The following MLLT3 variants were observed in gnomAD, a reference collection of about 807,000 sequenced individuals.
MLLT3 encodes the protein MLLT3 super elongation complex subunit.
Under a neutral mutation model 53.2 loss-of-function variants are expected in MLLT3, and 4 were observed. That is an observed-to-expected ratio of 0.08 (90% confidence interval 0.04 to 0.17). MLLT3 has a LOEUF of 0.17. Ranked by LOEUF, MLLT3 falls within the 10% of genes least tolerant of loss-of-function variation. The pLI, the probability that MLLT3 is intolerant of heterozygous loss-of-function variation, is 1.00. For missense variants in MLLT3, 569 were observed against 684.0 expected (o/e 0.83, Z 1.87); for synonymous variants, 283 against 230.6 (o/e 1.23, Z -2.06).
Position 20,342,452 on chromosome 9 carries a change from A to C in MLLT3, c.*3991T>G, listed in dbSNP as rs894305684. 6 of 222,360 alleles carry C rather than the reference A, an allele frequency of 2.7e-5. No individual in the cohort carries two copies. Among genetic ancestry groups the C allele is most frequent in the African/African-American group, 1.3e-4 (6 of 44,654 alleles). 13.8% of individuals were successfully genotyped at this position (222,360 alleles called of 1,614,324 possible). A position where few individuals can be genotyped will look rare whatever the true frequency, so the allele number is the denominator to read the frequency against. On this transcript the variant is annotated 3_prime_UTR_variant, in exon 11 of 11. Transcript: ENST00000380338. Reference sequence around the variant, plus strand: ...TAATCTCAATAATACATTTTCACTTAATTTATTTTTGCACTGCATGGTAGC... The same window carrying C: ...TAATCTCAATAATACATTTTCACTTCATTTATTTTTGCACTGCATGGTAGC...
intron 2 of MLLT3, among the ~76,000 whole-genome samples, chr9:20,521,155 C>A (rs1818047754): frequency 6.6e-6 from 1 of 151,926 alleles, no homozygotes; most frequent in Non-Finnish European, 1.5e-5. Flanking sequence ...ACTGCAACCT[C>A]CACCTCCTGA....
chr9:20,465,253 A>AT, intron 2 of MLLT3, among the ~76,000 whole-genome samples: 1 of 152,168 alleles, frequency 6.6e-6, no homozygotes, highest in East Asian at 1.9e-4. Context: ...ACAAAAAGAG[A>AT]TAATGTTCAA....
intron 4 of MLLT3, among the ~76,000 whole-genome samples, chr9:20,443,489 A>G (rs1281566612): frequency 1.3e-5 from 2 of 152,220 alleles, no homozygotes; most frequent in Non-Finnish European, 2.9e-5. Context: ...CCTTTACACA[A>G]GCAAAATACA....
At chr9:20,445,887 A>G (rs1823682853) in intron 4 of MLLT3, among the ~76,000 whole-genome samples, 1 of 152,220 alleles carries the variant, frequency 6.6e-6, no homozygotes, top group Non-Finnish European at 1.5e-5. Context: ...ATCTGAAGAC[A>G]TAATCGTGAA....
In MLLT3 at chr9:20,617,440, T is replaced by C. The variant is rs992509281; in HGVS notation, c.193+3214A>G. Among the ~76,000 whole-genome samples, 14 of 152,140 alleles carry C rather than the reference T, an allele frequency of 9.2e-5. 1 individual carries two copies. Among genetic ancestry groups the C allele is most frequent in the African/African-American group, 3.4e-4 (14 of 41,510 alleles). On this transcript the variant is annotated intron_variant, in intron 2 of 10. Transcript: ENST00000380338. ...CTACCAGTGGCCAAATTAGCTTCCA[T>C]AAAATAATAAGCAACAGATTTCATA...
intron 2 of MLLT3, among the ~76,000 whole-genome samples, chr9:20,494,635 C>T (rs1187910302): frequency 6.7e-6 from 1 of 149,284 alleles, no homozygotes; most frequent in East Asian, 2.0e-4. Context: ...CAGGCTGCCA[C>T]TTTAAAAGGT....
chr9:20,490,915 T>C (rs1269454245), intron 2 of MLLT3, among the ~76,000 whole-genome samples: 1 of 152,136 alleles, frequency 6.6e-6, no homozygotes, highest in Admixed American at 6.6e-5. Context: ...TTACTGTATA[T>C]TCAAGAAAAC....
At chr9:20,551,693 G>C (rs1446032406) in intron 2 of MLLT3, among the ~76,000 whole-genome samples, 1 of 152,164 alleles carries the variant, frequency 6.6e-6, no homozygotes, top group African/African-American at 2.4e-5. Flanking sequence ...ATTTAATAGA[G>C]TGCTAACTAC....
At chr9:20,556,599 C>G (rs573550707) in intron 2 of MLLT3, among the ~76,000 whole-genome samples, 1 of 152,218 alleles carries the variant, frequency 6.6e-6, no homozygotes, top group African/African-American at 2.4e-5. Context: ...AGAAAAATCC[C>G]TTGAACCCAA....
intron 5 of MLLT3, among the ~76,000 whole-genome samples, chr9:20,375,246 G>A (rs992094397): frequency 6.6e-6 from 1 of 152,144 alleles, no homozygotes; most frequent in African/African-American, 2.4e-5. Context: ...AAGTGACCGG[G>A]GGTAATATTT....
At chr9:20,499,879 T>C (rs568513458) in intron 2 of MLLT3, among the ~76,000 whole-genome samples, 3 of 150,956 alleles carry the variant, frequency 2.0e-5, no homozygotes, top group Middle Eastern at 3.4e-3. Flanking sequence ...AGCCTGGACA[T>C]CATAGCAAGA....
Position 20,573,058 on chromosome 9 carries a change from G to A in MLLT3, c.193+47596C>T, listed in dbSNP as rs540480832. ...AAATCATTTGGTTTATTCACCTGTT[G>A]ATACTTTCATATCTCCCACCAAGTT... On this transcript the variant is annotated intron_variant, in intron 2 of 10. Coordinates refer to ENST00000380338, the MANE Select transcript of MLLT3 (RefSeq NM_004529.4). 7.9e-5 allele frequency among the ~76,000 whole-genome samples: 12 copies of A among 151,410 alleles called. No homozygotes were observed. The South Asian group carries it at 2.3e-3, about 29-fold the overall frequency.
intron 5 of MLLT3, among the ~76,000 whole-genome samples, chr9:20,396,415 T>C (rs1563949260): frequency 6.6e-6 from 1 of 152,164 alleles, no homozygotes; most frequent in Non-Finnish European, 1.5e-5. Context: ...ATATCAGAGA[T>C]TATAAAATTA....
At chr9:20,436,547 G>A (rs906392174) in intron 4 of MLLT3, among the ~76,000 whole-genome samples, 2 of 152,186 alleles carry the variant, frequency 1.3e-5, no homozygotes, top group Non-Finnish European at 2.9e-5. Context: ...ATGCAACTAA[G>A]AGAAGTGGCC....
chr9:20,524,535 A>T (rs953167489), intron 2 of MLLT3, among the ~76,000 whole-genome samples: 19 of 152,102 alleles, frequency 1.2e-4, no homozygotes, highest in Admixed American at 6.5e-5. Context: ...TTTTAAAAAA[A>T]ATGACAGGCT....
At chr9:20,533,270 C>A in intron 2 of MLLT3, 1 of 321,384 alleles carries the variant, frequency 3.1e-6, no homozygotes, top group South Asian at 3.3e-5. Flanking sequence ...CACTGGGTCC[C>A]TAGACTGTGG....
intron 2 of MLLT3, among the ~76,000 whole-genome samples, chr9:20,558,746 T>C (rs983469273): frequency 7.2e-5 from 11 of 152,198 alleles, no homozygotes; most frequent in Non-Finnish European, 1.5e-4. Flanking sequence ...CTGAAGGACA[T>C]CCCTGGAATA....
chr9:20,411,659 C>T (rs1822731278), intron 5 of MLLT3, among the ~76,000 whole-genome samples: 1 of 152,028 alleles, frequency 6.6e-6, no homozygotes, highest in Non-Finnish European at 1.5e-5. Context: ...TAAAGTTTTC[C>T]AATTCTAACT....
At chr9:20,460,178 C>G (rs1290655205) in intron 2 of MLLT3, among the ~76,000 whole-genome samples, 3 of 152,178 alleles carry the variant, frequency 2.0e-5, no homozygotes, top group African/African-American at 7.2e-5. Flanking sequence ...TGCAACACTT[C>G]TTCATTGAGA....
Sources: gnomAD v4.1 joint callset for allele counts (sites outside exome capture counted in the v4.1 genomes callset) on GRCh38, gnomAD v4.1.1 for gene constraint, MANE v1.5 for transcripts, NCBI Gene and HGNC (gene_info 2026-07-23, HGNC 2026-07-21) for gene names.